RBFOX1: variants seen among roughly 807,000 people sequenced by gnomAD.
RBFOX1 encodes RNA binding protein fox-1 homolog 1.
Under a neutral mutation model 57.7 loss-of-function variants are expected in RBFOX1, and 8 were observed. That is an observed-to-expected ratio of 0.14 (90% CI 0.08 to 0.25). The LOEUF is 0.25. RBFOX1 is among the 10% of genes least tolerant of loss of function. The pLI, the probability that RBFOX1 is intolerant of heterozygous loss-of-function variation, is 1.00. For missense variants in RBFOX1, 611 were observed against 548.5 expected, an observed-to-expected ratio of 1.11 and a Z score of -1.14; for synonymous variants, 326 against 222.4, an observed-to-expected ratio of 1.47 and a Z score of -4.15.
chr16:7,171,273 A>C (rs906213825), intron 4 of RBFOX1, among the ~76,000 whole-genome samples: 3 of 152,168 alleles, frequency 2.0e-5, no homozygotes, highest in African/African-American at 4.8e-5. Flanking sequence ...TGAAACCCCA[A>C]TTTCCTCATC....
intron 4 of RBFOX1, among the ~76,000 whole-genome samples, chr16:7,428,973 A>C (rs969390218): frequency 6.6e-6 from 1 of 152,156 alleles, no homozygotes; most frequent in Non-Finnish European, 1.5e-5. Flanking sequence ...CAAAGAAAAA[A>C]AGTGTATCAA....
At chr16:6,190,431 A>G (rs746743701) in intron 1 of RBFOX1, among the ~76,000 whole-genome samples, 13 of 152,214 alleles carry the variant, frequency 8.5e-5, no homozygotes, top group Admixed American at 7.9e-4. Flanking sequence ...GCTTTATGCA[A>G]CAGACTAGGC....
Position 6,488,135 on chromosome 16 carries a change from G to A in RBFOX1, c.-63-166468G>A, listed in dbSNP as rs567111186. Among the ~76,000 whole-genome samples, 297 of 152,220 alleles carry A rather than the reference G, an allele frequency of 2.0e-3. 1 individual carries two copies. The highest frequency in any genetic ancestry group is 2.5e-3 in the Non-Finnish European group (171 of 68,014). ...TTGTTTTACAGAGAAGACCCCTAAA[G>A]GGCTGTATATGAGGAAGGCCTCTGC... On this transcript the variant is annotated intron_variant, in intron 2 of 15. Transcript: ENST00000550418.
At chr16:5,392,744 C>T (rs942906855) in intron 1 of RBFOX1, among the ~76,000 whole-genome samples, 3 of 152,126 alleles carry the variant, frequency 2.0e-5, no homozygotes, top group African/African-American at 7.2e-5. Context: ...CAAATGTGCT[C>T]ATCTAGGCAA....
At chr16:6,918,119 C>G (rs1270235757) in intron 3 of RBFOX1, among the ~76,000 whole-genome samples, 1 of 152,056 alleles carries the variant, frequency 6.6e-6, no homozygotes, top group Non-Finnish European at 1.5e-5. Flanking sequence ...AAACCCCTGT[C>G]TCTACTAAAA....
At chr16:5,547,781 G>A (rs1440221644) in intron 2 of RBFOX1, among the ~76,000 whole-genome samples, 6 of 152,202 alleles carry the variant, frequency 3.9e-5, no homozygotes, top group South Asian at 4.1e-4. Flanking sequence ...TATCCTAAGC[G>A]AATTAATGCA....
intron 1 of RBFOX1, among the ~76,000 whole-genome samples, chr16:6,197,273 CT>C (rs35147898): frequency 1.3e-5 from 2 of 151,678 alleles, no homozygotes; most frequent in East Asian, 3.9e-4. Flanking sequence ...CAGTGTTTTT[CT>C]TTTTTTTTCC....
intron 4 of RBFOX1, among the ~76,000 whole-genome samples, chr16:7,451,517 T>C (rs770125099): frequency 1.1e-4 from 16 of 152,088 alleles, no homozygotes; most frequent in Non-Finnish European, 2.2e-4. Context: ...TATCAACTTA[T>C]AAGCAGTGGT....
chr16:5,748,071 T>G (rs2053055640), intron 3 of RBFOX1, among the ~76,000 whole-genome samples: 1 of 152,236 alleles, frequency 6.6e-6, no homozygotes, highest in South Asian at 2.1e-4. Context: ...TCTGGTATGT[T>G]GTGTCTTTGT....
At chr16:6,641,943 A>T (rs1431172888) in intron 2 of RBFOX1, among the ~76,000 whole-genome samples, 2 of 151,984 alleles carry the variant, frequency 1.3e-5, no homozygotes, top group Non-Finnish European at 2.9e-5. Flanking sequence ...TCTTTTTTCC[A>T]TTCTTTTGAC....
intron 4 of RBFOX1, among the ~76,000 whole-genome samples, chr16:7,439,830 A>G (rs377616948): frequency 7.2e-5 from 11 of 152,272 alleles, no homozygotes; most frequent in African/African-American, 9.6e-5. Flanking sequence ...AGAGGTGACA[A>G]TGATCTAGGT....
chr16:7,277,692 C>T (rs562949753), intron 4 of RBFOX1, among the ~76,000 whole-genome samples: 8 of 151,836 alleles, frequency 5.3e-5, no homozygotes, highest in African/African-American at 7.2e-5. Flanking sequence ...GGATACCCAT[C>T]GAAAAATCAA....
At chr16:6,566,554 A>G (rs938915306) in intron 2 of RBFOX1, among the ~76,000 whole-genome samples, 6 of 151,960 alleles carry the variant, frequency 3.9e-5, no homozygotes, top group South Asian at 4.2e-4. Flanking sequence ...TCCCTTGACT[A>G]TTTGTCGAGA....
At chr16:6,964,315 G>C (rs999971725) in intron 3 of RBFOX1, among the ~76,000 whole-genome samples, 1 of 152,162 alleles carries the variant, frequency 6.6e-6, no homozygotes, top group Admixed American at 6.5e-5. Context: ...TGTTGTGCCT[G>C]GCAGCATAGA....
intron 3 of RBFOX1, among the ~76,000 whole-genome samples, chr16:5,709,066 C>G (rs556186196): frequency 6.6e-6 from 1 of 152,172 alleles, no homozygotes; most frequent in South Asian, 2.1e-4. Flanking sequence ...CATAATAGAT[C>G]CCGTGAGTCA....
intron 3 of RBFOX1, among the ~76,000 whole-genome samples, chr16:5,837,094 A>G (rs2151839054): frequency 6.6e-6 from 1 of 152,156 alleles, no homozygotes; most frequent in South Asian, 2.1e-4. Context: ...ACTCATTCAT[A>G]ATTCTAGCCT....
intron 4 of RBFOX1, among the ~76,000 whole-genome samples, chr16:7,192,597 C>T (rs757919538): frequency 3.3e-5 from 5 of 151,996 alleles, no homozygotes; most frequent in African/African-American, 4.8e-5. Flanking sequence ...TCCAGACACA[C>T]GAAAAGGGGG....
At chr16:7,663,864 A>G (rs778716937) in intron 12 of RBFOX1, among the ~76,000 whole-genome samples, 1 of 152,228 alleles carries the variant, frequency 6.6e-6, no homozygotes, top group Non-Finnish European at 1.5e-5. Flanking sequence ...TAGGAAATAC[A>G]AATCAGTTTC....
chr16:6,947,060 GAGA>G (rs1197470736), intron 3 of RBFOX1, among the ~76,000 whole-genome samples: 28 of 152,152 alleles, frequency 1.8e-4, no homozygotes, highest in African/African-American at 4.8e-4. Flanking sequence ...CTGTAATTGA[GAGA>G]AGGTCTGTGC....
Sources: gnomAD v4.1 joint callset for allele counts (sites outside exome capture counted in the v4.1 genomes callset) on GRCh38, gnomAD v4.1.1 for gene constraint, MANE v1.5 for transcripts, NCBI Gene and HGNC (gene_info 2026-07-23, HGNC 2026-07-21) for gene names.